Variants in RSPH14 observed in about 807,000 individuals in gnomAD.
RSPH14 encodes the protein rhabdoid tumor deletion region gene 1.
RSPH14 carries 20 observed loss-of-function variants against 26.7 expected under a neutral mutation model. That is an observed-to-expected ratio of 0.75 (90% confidence interval 0.53 to 1.09). The LOEUF is 1.09. RSPH14 is among the 50% of genes least tolerant of loss of function. RSPH14 has a pLI of 0.00. For synonymous variants in RSPH14, 177 were observed against 189.3 expected, an observed-to-expected ratio of 0.93 and a Z score of 0.53; for missense variants, 449 against 457.2, an observed-to-expected ratio of 0.98 and a Z score of 0.16.
chr22:23,130,463 A>C (rs530389339), intron 4 of RSPH14, among the ~76,000 whole-genome samples: 1 of 133,668 alleles, frequency 7.5e-6, no homozygotes, highest in South Asian at 2.6e-4. Context: ...TCAAAAAAAA[A>C]AGAAAAAGAA....
At chr22:23,082,093 C>A (rs1444040988) in intron 4 of RSPH14, among the ~76,000 whole-genome samples, 1 of 149,660 alleles carries the variant, frequency 6.7e-6, no homozygotes, top group East Asian at 2.0e-4. Context: ...CCGCTGCACT[C>A]CAGCCTGGGC....
At chr22:23,159,292 C>T in the RSPH14 span, 6 of 1,539,352 alleles carry the variant, frequency 3.9e-6, no homozygotes, top group South Asian at 4.8e-5. Context: ...GGGGCAGAGC[C>T]CTGCTCTTGG....
intron 4 of RSPH14, among the ~76,000 whole-genome samples, chr22:23,068,961 C>A (rs1386476514): frequency 6.6e-6 from 1 of 152,214 alleles, no homozygotes; most frequent in Non-Finnish European, 1.5e-5. Flanking sequence ...TGGACACCTC[C>A]AGTGAGCACT....
intron 4 of RSPH14, chr22:23,070,620 CG>C (rs2068337364): frequency 1.3e-5 from 2 of 149,240 alleles, no homozygotes; most frequent in African/African-American, 2.4e-5. Flanking sequence ...CCTCAGGGGT[CG>C]GGGGCACGGC....
the RSPH14 span, among the ~76,000 whole-genome samples, chr22:23,170,976 CT>C: frequency 7.3e-5 from 11 of 150,788 alleles, no homozygotes; most frequent in East Asian, 1.6e-3. Context: ...CTTTTTTCTT[CT>C]TTTTTTTTCA....
chr22:23,147,257 C>T (rs1401162502), upstream of RSPH14, among the ~76,000 whole-genome samples: 1 of 152,154 alleles, frequency 6.6e-6, no homozygotes, highest in African/African-American at 2.4e-5. Context: ...TTGAGTACAA[C>T]CTCCATAGGG....
At chr22:23,152,638 A>G in the RSPH14 span, 1 of 1,073,484 alleles carries the variant, frequency 9.3e-7, no homozygotes, top group Non-Finnish European at 1.4e-6. Context: ...GGCTTCCAGG[A>G]ACTGCTGTGC....
At chr22:23,162,588 T>C in the RSPH14 span, 2 of 453,528 alleles carry the variant, frequency 4.4e-6, no homozygotes, top group East Asian at 7.0e-5. Flanking sequence ...CAGACAGAAA[T>C]ACCCCACACA....
At chr22:23,077,847 C>G (rs919413470) in intron 4 of RSPH14, among the ~76,000 whole-genome samples, 1 of 152,188 alleles carries the variant, frequency 6.6e-6, no homozygotes, top group Non-Finnish European at 1.5e-5. Flanking sequence ...GCCCTGACCC[C>G]CTGTGAACTG....
intron 4 of RSPH14, among the ~76,000 whole-genome samples, chr22:23,107,507 C>T (rs2069517171): frequency 6.6e-6 from 1 of 152,178 alleles, no homozygotes; most frequent in African/African-American, 2.4e-5. Flanking sequence ...CCCAGGTTGT[C>T]AATCCTCCTG....
At chr22:23,064,562 C>T (rs2068164171) in intron 4 of RSPH14, among the ~76,000 whole-genome samples, 1 of 152,200 alleles carries the variant, frequency 6.6e-6, no homozygotes, top group African/African-American at 2.4e-5. Flanking sequence ...CGCTTCCCAT[C>T]CACCAAAATA....
intron 6 of RSPH14, among the ~76,000 whole-genome samples, chr22:23,060,224 C>A (rs1186965461): frequency 6.6e-6 from 1 of 152,152 alleles, no homozygotes; most frequent in East Asian, 1.9e-4. Context: ...GTAATCCCAG[C>A]ACTTTGGGAG....
At chr22:23,068,633 G>A (rs2068265180) in intron 4 of RSPH14, among the ~76,000 whole-genome samples, 1 of 152,236 alleles carries the variant, frequency 6.6e-6, no homozygotes, top group South Asian at 2.1e-4. Context: ...CCATCTCACT[G>A]TTGCATGTGG....
Position 23,061,900 on chromosome 22 carries a change from G to A in RSPH14, c.699C>T (p.Ile233=). Residue 233 remains isoleucine, a synonymous_variant, in exon 6 of 7, where the codon ATC becomes ATT. Coordinates refer to ENST00000216036, the MANE Select transcript of RSPH14 (RefSeq NM_014433.3). ...CTTTCAGCAGATGGACCAGGATGGG[G>A]ATGACGTCAAAATGACACACCTGTT... ...GKKQVCHFDV[I]PILVHLLKDP... The A allele has an allele frequency of 6.2e-7, 1 of 1,614,178 alleles. No homozygotes were observed. The highest frequency in any genetic ancestry group is 1.1e-5 in the South Asian group (1 of 91,078).
intron 4 of RSPH14, among the ~76,000 whole-genome samples, chr22:23,075,882 T>G (rs932540387): frequency 1.3e-5 from 2 of 152,092 alleles, no homozygotes; most frequent in African/African-American, 4.8e-5. Context: ...CAAGGTCCTT[T>G]GTGAGGTCTG....
At chr22:23,078,617 G>A (rs2068577541) in intron 4 of RSPH14, among the ~76,000 whole-genome samples, 1 of 152,202 alleles carries the variant, frequency 6.6e-6, no homozygotes, top group Admixed American at 6.5e-5. Context: ...TGGAGGGTGT[G>A]GCCACTGCGG....
intron 4 of RSPH14, among the ~76,000 whole-genome samples, chr22:23,106,045 A>G (rs1436027594): frequency 6.6e-6 from 1 of 152,106 alleles, no homozygotes; most frequent in African/African-American, 2.4e-5. Flanking sequence ...CCATCTTGGA[A>G]TTTTCTGTCC....
the RSPH14 span, among the ~76,000 whole-genome samples, chr22:23,155,113 G>A: frequency 5.9e-5 from 9 of 152,098 alleles, no homozygotes; most frequent in East Asian, 3.9e-4. Context: ...CAATAAGAGC[G>A]AAACTCCACC....
chr22:23,068,656 A>G (rs2068266124), intron 4 of RSPH14, among the ~76,000 whole-genome samples: 1 of 152,232 alleles, frequency 6.6e-6, no homozygotes, highest in African/African-American at 2.4e-5. Flanking sequence ...TTACCTCTGC[A>G]AACAATTCAA....
Sources: gnomAD v4.1 joint callset for allele counts (sites outside exome capture counted in the v4.1 genomes callset) on GRCh38, gnomAD v4.1.1 for gene constraint, MANE v1.5 for transcripts, NCBI Gene and HGNC (gene_info 2026-07-23, HGNC 2026-07-21) for gene names.